MYO3B: variants seen among roughly 807,000 people sequenced by gnomAD.
MYO3B encodes the protein myosin IIIB.
MYO3B carries 156 observed loss-of-function variants against 174.6 expected under a neutral mutation model. That is an observed-to-expected ratio of 0.89 (90% CI 0.78 to 1.02). MYO3B has a LOEUF of 1.02. Ranked by LOEUF, MYO3B falls within the 50% of genes least tolerant of loss-of-function variation. The pLI, the probability that MYO3B is intolerant of heterozygous loss-of-function variation, is 0.00. For missense variants in MYO3B, 1,632 were observed against 1,639.4 expected (o/e 1.00, Z 0.08); for synonymous variants, 563 against 569.1 (o/e 0.99, Z 0.15).
Position 170,466,605 on chromosome 2 carries a change from C to G in MYO3B, c.2908C>G (p.Arg970Gly), listed in dbSNP as rs775656667. ...TGACCGAGAGGCCCTGCAGTTCTCT[C>G]GAGAGAGGGTGCTGGCCCAGCTCCG... is the stretch of plus-strand genomic sequence containing the variant. ...NDDREALQFS[R>G]ERVLAQLRST... Residue 970 changes from arginine (R) to glycine (G), a missense_variant, in exon 25 of 35, where the codon CGA becomes GGA. Arg to Gly is a moderately radical substitution (Grantham distance 125). Coordinates refer to ENST00000408978, the MANE Select transcript of MYO3B (RefSeq NM_138995.5). 20 of 1,614,110 alleles carry G rather than the reference C, an allele frequency of 1.2e-5. No homozygotes were observed. In the East Asian group the frequency reaches 4.0e-4, roughly 32 times the overall value.
At chr2:170,543,028 ATAGGCATGAAGCTTGTC>A in intron 31 of MYO3B, 62 bp downstream of exon 31, 1 of 1,362,518 alleles carries the variant, frequency 7.3e-7, no homozygotes, top group Non-Finnish European at 1.0e-6. Context: ...ATCCAAGTTC[ATAGGCATGAAGCTTGTC>A]TGCGGCTGCG....
intron 3 of MYO3B, among the ~76,000 whole-genome samples, chr2:170,203,723 A>G (rs1230802516): frequency 6.6e-6 from 1 of 152,178 alleles, no homozygotes; most frequent in East Asian, 1.9e-4. Flanking sequence ...TGACGGACTC[A>G]AATGTGGGAC....
At chr2:170,473,101 T>A (rs1685077518) in intron 25 of MYO3B, among the ~76,000 whole-genome samples, 1 of 151,892 alleles carries the variant, frequency 6.6e-6, no homozygotes, top group African/African-American at 2.4e-5. Flanking sequence ...ACCTCTTCTT[T>A]TTCATCACTA....
At chr2:170,651,992 T>C (rs1699044181) in intron 33 of MYO3B, 116 bp from the exon 34 acceptor site, 2 of 1,150,540 alleles carry the variant, frequency 1.7e-6, no homozygotes, top group Non-Finnish European at 2.5e-6. Flanking sequence ...AAAAAAATTA[T>C]GCTGTGACTT....
At chr2:170,371,362 G>A (rs1051032661) in intron 9 of MYO3B, among the ~76,000 whole-genome samples, 2 of 151,608 alleles carry the variant, frequency 1.3e-5, no homozygotes, top group African/African-American at 2.4e-5. Flanking sequence ...GGTGGCAAAG[G>A]CTTCTCACAG....
chr2:170,332,724 C>G (rs970895355), intron 7 of MYO3B, among the ~76,000 whole-genome samples: 2 of 152,094 alleles, frequency 1.3e-5, no homozygotes, highest in African/African-American at 4.8e-5. Context: ...TTATGTGAAG[C>G]CATAGAGGGT....
chr2:170,541,579 T>A (rs535481592), intron 30 of MYO3B, among the ~76,000 whole-genome samples: 4 of 152,354 alleles, frequency 2.6e-5, no homozygotes, highest in South Asian at 2.1e-4. Context: ...GCATTTTTTT[T>A]AAATGAAGTA....
At chr2:170,489,698 T>C (rs1254090790) in intron 25 of MYO3B, among the ~76,000 whole-genome samples, 1 of 149,506 alleles carries the variant, frequency 6.7e-6, no homozygotes, top group Admixed American at 6.7e-5. Context: ...TGTGGGTAAG[T>C]GTGTGTGGTG....
At chr2:170,309,488 A>G (rs1011496762) in intron 7 of MYO3B, among the ~76,000 whole-genome samples, 6 of 152,072 alleles carry the variant, frequency 3.9e-5, no homozygotes, top group Non-Finnish European at 8.8e-5. Context: ...TATTTTTTGC[A>G]TCTTCAGGGA....
intron 22 of MYO3B, among the ~76,000 whole-genome samples, chr2:170,439,214 T>A (rs1355208948): frequency 6.6e-6 from 1 of 150,810 alleles, no homozygotes; most frequent in African/African-American, 2.4e-5. Context: ...CTACTAAAAA[T>A]ACAAAAAATT....
At chr2:170,553,750 A>G (rs185679484) in intron 32 of MYO3B, among the ~76,000 whole-genome samples, 177 of 152,298 alleles carry the variant, frequency 1.2e-3, no homozygotes, top group Middle Eastern at 3.4e-3. Flanking sequence ...TTAGCTCTGC[A>G]TCGCCACCCA....
chr2:170,646,897 C>A (rs773556782), intron 32 of MYO3B: 9 of 1,354,874 alleles, frequency 6.6e-6, no homozygotes, highest in Non-Finnish European at 8.9e-6. Flanking sequence ...ATTTCTCTGT[C>A]TCTCGCCTCA....
chr2:170,235,590 A>G, intron 6 of MYO3B, among the ~76,000 whole-genome samples: 1 of 152,210 alleles, frequency 6.6e-6, no homozygotes, highest in East Asian at 1.9e-4. Flanking sequence ...CATGCATCTC[A>G]AAGTACACAA....
In MYO3B at chr2:170,649,483, T is replaced by A. The variant is rs1454717418; in HGVS notation, c.3734-2145T>A. The stretch of plus-strand genomic sequence containing the variant: ...TAATACATATTTTTTTCATCGAACT[T>A]ACTTTTACTTAAACCTTTGACTTTA... On this transcript the variant is annotated intron_variant, in intron 32 of 34. Transcript: ENST00000408978. Among the ~76,000 whole-genome samples, 13 of 140,082 alleles carry A rather than the reference T, an allele frequency of 9.3e-5. 1 individual carries two copies. The highest frequency in any genetic ancestry group is 3.4e-4 in the African/African-American group (13 of 37,840). 91.9% of individuals were successfully genotyped at this position (140,082 alleles called of 152,430 possible).
chr2:170,556,771 C>A (rs1437206446), intron 32 of MYO3B, among the ~76,000 whole-genome samples: 42 of 152,244 alleles, frequency 2.8e-4, no homozygotes, highest in Admixed American at 2.7e-3. Context: ...CTCCACCTGC[C>A]TTGGCCTCCC....
At chr2:170,592,955 T>C (rs1472280842) in intron 32 of MYO3B, among the ~76,000 whole-genome samples, 1 of 152,120 alleles carries the variant, frequency 6.6e-6, no homozygotes, top group East Asian at 1.9e-4. Context: ...TATATAGATA[T>C]ATATCTATAG....
chr2:170,587,804 CT>C (rs1354205785), intron 32 of MYO3B, among the ~76,000 whole-genome samples: 4 of 152,316 alleles, frequency 2.6e-5, no homozygotes, highest in African/African-American at 7.2e-5. Context: ...CAATTCAAGA[CT>C]TGTTATTCAC....
rs138038866 is a variant in MYO3B at position 170,393,866 on chromosome 2, A to C, written c.1791+1371A>C. 9.6e-4 allele frequency among the ~76,000 whole-genome samples: 146 copies of C among 152,270 alleles called. 2 individuals carry two copies. Among genetic ancestry groups the C allele is most frequent in the Middle Eastern group, 3.4e-3 (1 of 294 alleles). ...ATAAATATATTTTCCTTGGCTTCTT[A>C]GAGGGGGGCAATTAAACAGGTTCTA... is the stretch of plus-strand genomic sequence containing the variant. On this transcript the variant is annotated intron_variant, in intron 16 of 34. Coordinates refer to ENST00000408978, the MANE Select transcript of MYO3B (RefSeq NM_138995.5).
Position 170,200,317 on chromosome 2 carries a change from G to T in MYO3B, c.321+33G>T. On this transcript the variant is annotated intron_variant, in intron 3 of 34. Coordinates refer to ENST00000408978, the MANE Select transcript of MYO3B (RefSeq NM_138995.5). ...GCTCCCATTGGGTAACCAGTGATTT[G>T]AACAGAGTGCCAGAGGCCAACAGAT... 1.9e-6 allele frequency: 3 copies of T among 1,600,250 alleles called. No homozygotes were observed. In the South Asian group the frequency reaches 3.4e-5, roughly 18 times the overall value.
Sources: gnomAD v4.1 joint callset for allele counts (sites outside exome capture counted in the v4.1 genomes callset) on GRCh38, gnomAD v4.1.1 for gene constraint, MANE v1.5 for transcripts, NCBI Gene and HGNC (gene_info 2026-07-23, HGNC 2026-07-21) for gene names.